Variants in PLAGL1 observed in about 807,000 individuals in gnomAD.
The protein encoded by PLAGL1 is zinc finger protein PLAGL1.
A neutral mutation model predicts 4.6 loss-of-function variants in PLAGL1; 1 was observed. The observed-to-expected ratio is 0.22, with a 90% CI of 0.08 to 1.03. The LOEUF is 1.03. Ranked by LOEUF, PLAGL1 falls within the 50% of genes least tolerant of loss-of-function variation. The pLI, the probability that PLAGL1 is intolerant of heterozygous loss-of-function variation, is 0.58. For missense variants in PLAGL1, 464 were observed against 570.4 expected (o/e 0.81, Z 1.90); for synonymous variants, 240 against 237.8 (o/e 1.01, Z -0.08).
At position 144,027,224 on chromosome 6, in the gene PLAGL1, A is replaced by C. The variant is rs1180486441; in HGVS notation, c.-151+37244T>G. 8.0e-6 allele frequency among the ~76,000 whole-genome samples: 1 copy of C among 124,816 alleles called. No individual in the cohort carries two copies. Among genetic ancestry groups the C allele is most frequent in the Non-Finnish European group, 1.6e-5 (1 of 60,948 alleles). The allele number at this position is 124,816 out of a possible 152,430, so 81.9% of individuals were successfully genotyped here. On this transcript the variant is annotated intron_variant, in intron 1 of 3. Transcript: ENST00000437412. This position sits in a 1 kb window ranked among gnomAD's most constrained non-coding sequence, Gnocchi z 5.8. ...GGGTGACAGAGAAAGACCCCAACTC[A>C]AAGAACGAACGAAAGAAAGAAAGAA...
At chr6:144,042,193 G>A (rs113946286) in intron 1 of PLAGL1, among the ~76,000 whole-genome samples, 2 of 152,138 alleles carry the variant, frequency 1.3e-5, no homozygotes, top group African/African-American at 4.8e-5. Context: ...GATCCCATTT[G>A]TCTATTTTGG....
In PLAGL1 at chr6:143,945,841, A is replaced by G. The variant is rs1173286178; in HGVS notation, c.152+2144T>C. 6.6e-6 allele frequency among the ~76,000 whole-genome samples: 1 copy of G among 152,168 alleles called. No individual in the cohort carries two copies. The highest frequency in any genetic ancestry group is 2.4e-5 in the African/African-American group (1 of 41,434). Reference sequence around the variant, plus strand: ...TTACTATATCACTGCTTCAGGCAAGAGAGGCGAGAGGCAAGAAATGCTGGG... The same window carrying G: ...TTACTATATCACTGCTTCAGGCAAGGGAGGCGAGAGGCAAGAAATGCTGGG... On this transcript the variant is annotated intron_variant, in intron 7 of 7. Coordinates refer to ENST00000674357, the MANE Select transcript of PLAGL1 (RefSeq NM_001317162.2). The surrounding 1 kb of genome is among the most constrained non-coding windows in gnomAD (Gnocchi z 4.2).
At chr6:144,033,917 A>G (rs1459542575) in intron 1 of PLAGL1, among the ~76,000 whole-genome samples, 1 of 152,262 alleles carries the variant, frequency 6.6e-6, no homozygotes, top group African/African-American at 2.4e-5. Flanking sequence ...AGACTTGAAC[A>G]TAAAAGCAGC....
At chr6:144,012,014 T>C (rs1433282654), upstream of PLAGL1, among the ~76,000 whole-genome samples, 2 of 152,178 alleles carry the variant, frequency 1.3e-5, no homozygotes, top group Non-Finnish European at 1.5e-5. This position sits in a 1 kb window ranked among gnomAD's most constrained non-coding sequence, Gnocchi z 4.8. Flanking sequence ...GATCATCTTT[T>C]TCCTCAACAT....
intron 1 of PLAGL1, among the ~76,000 whole-genome samples, chr6:144,002,424 G>C (rs531337062): frequency 3.4e-4 from 51 of 152,218 alleles, no homozygotes; most frequent in African/African-American, 8.9e-4. Flanking sequence ...GTCCCAGCCA[G>C]TGCAATAAGG....
rs1328039529 is a variant in PLAGL1, at chr6:143,953,868, G to A, written c.-324-5408C>T. On this transcript the variant is annotated intron_variant, in intron 6 of 7. Transcript: ENST00000674357. The surrounding 1 kb of genome is among the most constrained non-coding windows in gnomAD (Gnocchi z 5.3). ...ACTTCTGGAAGTGAGGATGGAAACA[G>A]GTATGAAAGCAGCAGGTGAAAGTCT... Among the ~76,000 whole-genome samples, 1 of 152,220 alleles carries A rather than the reference G, an allele frequency of 6.6e-6. No individual in the cohort carries two copies. Among genetic ancestry groups the A allele is most frequent in the Non-Finnish European group, 1.5e-5 (1 of 68,036 alleles).
At chr6:144,026,211 A>C (rs1418437337) in intron 1 of PLAGL1, among the ~76,000 whole-genome samples, 5 of 152,192 alleles carry the variant, frequency 3.3e-5, no homozygotes, top group Non-Finnish European at 7.3e-5. Flanking sequence ...TATAAAATGC[A>C]ATTCTTAATA....
At chr6:143,999,770 T>A (rs1463035847) in intron 1 of PLAGL1, among the ~76,000 whole-genome samples, 2 of 152,146 alleles carry the variant, frequency 1.3e-5, no homozygotes, top group East Asian at 3.8e-4. Flanking sequence ...TACTTTCGAG[T>A]GCAAGATGAT....
At chr6:144,018,000 A>G (rs1795683560) in intron 1 of PLAGL1, among the ~76,000 whole-genome samples, 1 of 152,212 alleles carries the variant, frequency 6.6e-6, no homozygotes, top group African/African-American at 2.4e-5. Flanking sequence ...AGATCTTGAC[A>G]TCCTGTCCTT....
chr6:144,041,553 G>T (rs1337650408), intron 1 of PLAGL1, among the ~76,000 whole-genome samples: 1 of 152,124 alleles, frequency 6.6e-6, no homozygotes, highest in African/African-American at 2.4e-5. Context: ...TGGTGTATAT[G>T]TGCCACATTT....
At chr6:143,991,093 G>GC (rs1488042635) in intron 1 of PLAGL1, among the ~76,000 whole-genome samples, 21 of 152,284 alleles carry the variant, frequency 1.4e-4, no homozygotes, top group African/African-American at 5.1e-4. Flanking sequence ...CAAGATAGGG[G>GC]CATCACTCTG....
chr6:143,987,313 T>A lies in PLAGL1; in HGVS notation c.-583-2139A>T, dbSNP rs934273168. The stretch of plus-strand genomic sequence containing the variant: ...TTGATCTCGTGGGCTTAATTGATCC[T>A]CCCACCTCAGCCTCCGAACACAGCA... On this transcript the variant is annotated intron_variant, in intron 1 of 7. Transcript: ENST00000674357. Among the ~76,000 whole-genome samples the A allele has an allele frequency of 4.0e-5, 6 of 151,780 alleles. No homozygotes were observed. The East Asian group carries it at 1.2e-3, about 29-fold the overall frequency.
intron 1 of PLAGL1, among the ~76,000 whole-genome samples, chr6:144,029,050 G>A (rs1035605985): frequency 1.3e-5 from 2 of 151,962 alleles, no homozygotes; most frequent in Non-Finnish European, 2.9e-5. Context: ...ATTACTATAT[G>A]TTTTGAGGAA....
chr6:143,956,091 C>A (rs973805613), intron 6 of PLAGL1, among the ~76,000 whole-genome samples: 1 of 152,146 alleles, frequency 6.6e-6, no homozygotes, highest in Non-Finnish European at 1.5e-5. Flanking sequence ...GAAGCGGATG[C>A]CTTTCTGAAC....
In PLAGL1 at chr6:144,053,481, C is replaced by T. The variant is rs547988970; in HGVS notation, c.-151+10987G>A. Among the ~76,000 whole-genome samples, 1 of 152,276 alleles carries T rather than the reference C, an allele frequency of 6.6e-6. No homozygotes were observed. The highest frequency in any genetic ancestry group is 2.1e-4 in the South Asian group (1 of 4,820). On this transcript the variant is annotated intron_variant, in intron 1 of 3. Coordinates refer to the PLAGL1 transcript ENST00000437412. This position sits in a 1 kb window ranked among gnomAD's most constrained non-coding sequence, Gnocchi z 4.0. ...TAGTTCATTCAAGTATAACATCTTG[C>T]TACCACCTATGAGGGATACAAAAGG...
rs3060705 is a variant in PLAGL1 at position 143,948,764 on chromosome 6, AAACAAC to A, written c.-324-310_-324-305del. 0.014 allele frequency among the ~76,000 whole-genome samples: 1,525 copies of A among 107,236 alleles called. 17 individuals carry two copies. Among genetic ancestry groups the A allele is most frequent in the African/African-American group, 0.045 (1,109 of 24,664 alleles). The allele number at this position is 107,236 out of a possible 152,430, so 70.4% of individuals were successfully genotyped here. ...GTGAAGCTCCATTGACCAAAGAGAAAAACAACAACAACAACAACAACAACAACAAAC... is the reference window on the plus strand; with the variant it reads ...GTGAAGCTCCATTGACCAAAGAGAAAAACAACAACAACAACAACAACAAAC... On this transcript the variant is annotated intron_variant, in intron 6 of 7. Coordinates refer to ENST00000674357, the MANE Select transcript of PLAGL1 (RefSeq NM_001317162.2). This position sits in a 1 kb window ranked among gnomAD's most constrained non-coding sequence, Gnocchi z 6.0.
At chr6:144,043,112 A>T (rs1416198521) in intron 1 of PLAGL1, among the ~76,000 whole-genome samples, 1 of 152,190 alleles carries the variant, frequency 6.6e-6, no homozygotes, top group African/African-American at 2.4e-5. Flanking sequence ...CAATCATATC[A>T]TCTGGAAACA....
At chr6:144,062,470 C>CAAAAAA (rs543521128) in intron 1 of PLAGL1, among the ~76,000 whole-genome samples, 20 of 75,692 alleles carry the variant, frequency 2.6e-4, no homozygotes, top group Non-Finnish European at 3.2e-4. Context: ...GTTATCAGAC[C>CAAAAAA]AAAAAAAAAA....
intron 1 of PLAGL1, among the ~76,000 whole-genome samples, chr6:143,986,551 G>C (rs1220205683): frequency 6.6e-6 from 1 of 152,038 alleles, no homozygotes; most frequent in African/African-American, 2.4e-5. Flanking sequence ...TGAAATTTTT[G>C]AACAGATAAA....
Sources: allele counts gnomAD v4.1 joint callset (sites outside exome capture counted in the v4.1 genomes callset), GRCh38; gene constraint gnomAD v4.1.1; non-coding constraint Gnocchi (gnomAD v3.1); transcripts MANE v1.5; gene names NCBI Gene and HGNC (gene_info 2026-07-23, HGNC 2026-07-21).